The following MYO16 variants were observed in gnomAD, a reference collection of about 807,000 sequenced individuals.
MYO16 encodes myosin XVI, also known as unconventional myosin-XVI.
MYO16 carries 94 observed loss-of-function variants against 205.3 expected under a neutral mutation model. The observed-to-expected ratio is 0.46, with a 90% CI of 0.39 to 0.54. The LOEUF is 0.54. Among genes scored for constraint, MYO16 ranks in the 20% least tolerant of loss-of-function variants. The probability of loss-of-function intolerance (pLI) is 0.00; values close to 1 mark genes in which losing one functional copy is unlikely to be tolerated. For synonymous variants in MYO16, 988 were observed against 954.0 expected (o/e 1.04, Z -0.66); for missense variants, 2,315 against 2,387.5 (o/e 0.97, Z 0.63).
chr13:109,047,573 T>G (rs1887088709), intron 24 of MYO16, among the ~76,000 whole-genome samples: 1 of 152,174 alleles, frequency 6.6e-6, no homozygotes, highest in Non-Finnish European at 1.5e-5. Context: ...ATACAAAATG[T>G]ATATATGTGA....
At chr13:108,893,330 T>C (rs151040036) in intron 14 of MYO16, among the ~76,000 whole-genome samples, 5 of 152,332 alleles carry the variant, frequency 3.3e-5, no homozygotes, top group Admixed American at 6.5e-5. Flanking sequence ...ATCTTCACAA[T>C]GTCATTGATG....
chr13:108,712,572 T>C, intron 2 of MYO16, 89 bp from the exon 3 acceptor site: 1 of 1,135,174 alleles, frequency 8.8e-7, no homozygotes, highest in Non-Finnish European at 1.3e-6. Flanking sequence ...GCTGTTTGCA[T>C]TTTAGATATT....
At chr13:108,516,271 G>C in the MYO16 span, among the ~76,000 whole-genome samples, 15 of 151,580 alleles carry the variant, frequency 9.9e-5, no homozygotes, top group East Asian at 2.8e-3. Context: ...TCTTTGACTC[G>C]GAAAGGGAAC....
chr13:108,680,565 G>T (rs1363633440), intron 2 of MYO16, among the ~76,000 whole-genome samples: 1 of 152,174 alleles, frequency 6.6e-6, no homozygotes, highest in Non-Finnish European at 1.5e-5. Context: ...AGCAAAATTA[G>T]CTCTATGAGC....
chr13:109,007,729 A>C (rs935622962), intron 21 of MYO16, among the ~76,000 whole-genome samples: 1 of 151,860 alleles, frequency 6.6e-6, no homozygotes, highest in East Asian at 1.9e-4. Flanking sequence ...GAAATAACAT[A>C]TTTGTTTCCT....
At chr13:108,782,519 G>C (rs1464531919) in intron 4 of MYO16, among the ~76,000 whole-genome samples, 1 of 152,134 alleles carries the variant, frequency 6.6e-6, no homozygotes, top group Non-Finnish European at 1.5e-5. Context: ...CCCATTTTTT[G>C]AGGAGAAATT....
intron 7 of MYO16, among the ~76,000 whole-genome samples, chr13:108,815,045 T>A (rs1594315524): frequency 6.6e-6 from 1 of 152,118 alleles, no homozygotes; most frequent in Admixed American, 6.6e-5. Flanking sequence ...AATTTATCAA[T>A]TTTTTTACAG....
intron 34 of MYO16, among the ~76,000 whole-genome samples, chr13:109,199,243 G>A (rs755994331): frequency 2.0e-4 from 18 of 91,498 alleles, no homozygotes; most frequent in East Asian, 3.9e-4. Context: ...TATATATACC[G>A]TCATTTTGCC....
At chr13:108,695,066 C>A (rs1047282340) in intron 2 of MYO16, among the ~76,000 whole-genome samples, 6 of 152,142 alleles carry the variant, frequency 3.9e-5, no homozygotes, top group Non-Finnish European at 1.5e-5. Context: ...GAGCTGAGAT[C>A]GCACCATTGC....
the MYO16 span, among the ~76,000 whole-genome samples, chr13:108,558,212 G>A: frequency 2.6e-5 from 4 of 152,222 alleles, no homozygotes; most frequent in East Asian, 1.9e-4. Flanking sequence ...TTTATACAAC[G>A]TATTCACTGT....
intron 22 of MYO16, 64 bp from the exon 23 acceptor site, chr13:109,019,647 T>TA: frequency 7.6e-7 from 1 of 1,312,246 alleles, no homozygotes; most frequent in South Asian, 1.4e-5. Context: ...CATGCTTGAA[T>TA]AATAACAAAA....
intron 16 of MYO16, among the ~76,000 whole-genome samples, chr13:108,936,733 T>G (rs1396045833): frequency 6.6e-6 from 1 of 152,210 alleles, no homozygotes; most frequent in Non-Finnish European, 1.5e-5. Context: ...ACATGTGAGG[T>G]GGATCTCTTA....
chr13:109,144,188 TA>T (rs1877226718), intron 32 of MYO16, among the ~76,000 whole-genome samples: 1 of 152,078 alleles, frequency 6.6e-6, no homozygotes, highest in South Asian at 2.1e-4. Context: ...CTAATTTTTG[TA>T]TTTTTAGTAG....
At chr13:108,781,283 C>T (rs912976167) in intron 4 of MYO16, among the ~76,000 whole-genome samples, 55 of 152,114 alleles carry the variant, frequency 3.6e-4, no homozygotes, top group African/African-American at 1.1e-3. Flanking sequence ...GTTTAGCAGT[C>T]GATATTTGAA....
intron 34 of MYO16, among the ~76,000 whole-genome samples, chr13:109,199,438 C>T (rs1447352011): frequency 1.3e-5 from 2 of 151,692 alleles, no homozygotes; most frequent in African/African-American, 4.8e-5. Context: ...ATAACACTTG[C>T]CTTCTGGTTC....
chr13:108,888,336 C>A, intron 13 of MYO16, 36 bp from the exon 14 acceptor site: 1 of 1,473,646 alleles, frequency 6.8e-7, no homozygotes, highest in South Asian at 1.3e-5. Flanking sequence ...AGCAAAGTTC[C>A]TTCAAACTTA....
intron 4 of MYO16, among the ~76,000 whole-genome samples, chr13:108,763,756 G>A (rs780114560): frequency 3.3e-5 from 5 of 150,836 alleles, no homozygotes; most frequent in Non-Finnish European, 5.9e-5. Flanking sequence ...GAGACAGCTG[G>A]TCCTGGAACT....
At chr13:108,991,379 AAG>A (rs1343417782) in intron 20 of MYO16, among the ~76,000 whole-genome samples, 1 of 152,262 alleles carries the variant, frequency 6.6e-6, no homozygotes, top group Non-Finnish European at 1.5e-5. Context: ...ATTGAAAAAA[AAG>A]ATTGATTTCT....
intron 2 of MYO16, among the ~76,000 whole-genome samples, chr13:108,676,903 C>T (rs939308136): frequency 1.3e-5 from 2 of 152,152 alleles, no homozygotes. Context: ...CTCTCCCCTG[C>T]GGAGCCCTCC....
Sources: gnomAD v4.1 joint callset for allele counts (sites outside exome capture counted in the v4.1 genomes callset) on GRCh38, gnomAD v4.1.1 for gene constraint, MANE v1.5 for transcripts, NCBI Gene and HGNC (gene_info 2026-07-23, HGNC 2026-07-21) for gene names.